Variants in CSF1R observed in about 807,000 individuals in gnomAD.
CSF1R encodes colony stimulating factor 1 receptor.
In CSF1R, 40 loss-of-function variants were observed where a neutral mutation model predicts 110.0. That is an observed-to-expected ratio of 0.36 (90% confidence interval 0.28 to 0.47). The LOEUF (loss-of-function observed/expected upper bound fraction) is 0.47, where lower values mean the gene tolerates loss of function less well. Ranked by LOEUF, CSF1R falls within the 20% of genes least tolerant of loss-of-function variation. The probability of loss-of-function intolerance (pLI) is 0.99; values close to 1 mark genes in which losing one functional copy is unlikely to be tolerated. For missense variants in CSF1R, 1,052 were observed against 1,253.0 expected, an observed-to-expected ratio of 0.84 and a Z score of 2.42; for synonymous variants, 523 against 503.4, an observed-to-expected ratio of 1.04 and a Z score of -0.52.
chr5:150,063,109 C>G (rs771179185), intron 10 of CSF1R, among the ~76,000 whole-genome samples: 2 of 152,174 alleles, frequency 1.3e-5, no homozygotes, highest in Admixed American at 6.5e-5. Flanking sequence ...CCTCGACCCC[C>G]GAGGTTCAAG....
intron 1 of CSF1R, among the ~76,000 whole-genome samples, chr5:150,103,629 C>T (rs1181674405): frequency 6.6e-6 from 1 of 152,190 alleles, no homozygotes; most frequent in Non-Finnish European, 1.5e-5. Context: ...CGCTGGGGAA[C>T]AGAAGATGGA....
intron 6 of CSF1R, among the ~76,000 whole-genome samples, chr5:150,072,130 G>A (rs1361177752): frequency 6.6e-6 from 1 of 152,182 alleles, no homozygotes; most frequent in Non-Finnish European, 1.5e-5. Context: ...ATGAGAGTGA[G>A]TGTGGCATGC....
chr5:150,084,821 C>T (rs547177267), intron 1 of CSF1R, among the ~76,000 whole-genome samples: 40 of 152,174 alleles, frequency 2.6e-4, no homozygotes, highest in African/African-American at 9.4e-4. Context: ...TCCGTTTTTG[C>T]CCCACAGGCA....
chr5:150,055,187 C>T (rs1344663646), intron 19 of CSF1R, 50 bp downstream of exon 19: 1 of 1,534,506 alleles, frequency 6.5e-7, no homozygotes, highest in Non-Finnish European at 9.0e-7. Context: ...CATCCCTTTC[C>T]AGCGAAAGCC....
chr5:150,072,424 G>A (rs112007873), intron 6 of CSF1R, among the ~76,000 whole-genome samples: 3 of 152,116 alleles, frequency 2.0e-5, no homozygotes, highest in African/African-American at 4.8e-5. Flanking sequence ...AACCCGGGAG[G>A]CCGAGTTTGC....
upstream of CSF1R, among the ~76,000 whole-genome samples, chr5:150,087,015 T>G (rs1758871796): frequency 6.6e-6 from 1 of 152,364 alleles, no homozygotes; most frequent in South Asian, 2.1e-4. Context: ...TTTCACTCTG[T>G]TGCCCAGGCT....
chr5:150,056,354 A>G lies in CSF1R; in HGVS notation c.2320-13T>C. 2 of 1,614,062 alleles carry G rather than the reference A, an allele frequency of 1.2e-6. No individual in the cohort carries two copies. The highest frequency in any genetic ancestry group is 8.5e-7 in the Non-Finnish European group (1 of 1,179,964). ...CCCGGTGGATGCACTGAGGGAAAGC[A>G]CTGCAGGGTTAGTCTTGGGCCTTCT... is the stretch of plus-strand genomic sequence containing the variant. On this transcript the variant is annotated splice_polypyrimidine_tract_variant and intron_variant, in intron 16 of 20. Transcript: ENST00000675795.
intron 5 of CSF1R, among the ~76,000 whole-genome samples, chr5:150,076,092 C>T (rs1488459454): frequency 1.3e-5 from 2 of 152,218 alleles, no homozygotes; most frequent in African/African-American, 2.4e-5. Flanking sequence ...ACTGCCACTG[C>T]CTGCACCCAA....
intron 1 of CSF1R, among the ~76,000 whole-genome samples, chr5:150,095,365 A>T (rs1309631800): frequency 6.6e-6 from 1 of 152,214 alleles, no homozygotes; most frequent in African/African-American, 2.4e-5. Flanking sequence ...TCACCAAGAT[A>T]TACCATATTC....
chr5:150,054,461 C>CAGCT, intron 19 of CSF1R, 31 bp from the exon 20 acceptor site: 1 of 1,582,852 alleles, frequency 6.3e-7, no homozygotes, highest in Non-Finnish European at 8.6e-7. Flanking sequence ...TGCCCATGGG[C>CAGCT]AGCTCCCTAG....
chr5:150,057,725 C>T (rs1222189758), intron 14 of CSF1R, 133 bp from the exon 15 acceptor site: 1 of 660,378 alleles, frequency 1.5e-6, no homozygotes. Flanking sequence ...CTGCCACACT[C>T]CATCTGAGTG....
At chr5:150,072,417 C>T (rs1263641057) in intron 6 of CSF1R, among the ~76,000 whole-genome samples, 1 of 152,026 alleles carries the variant, frequency 6.6e-6, no homozygotes, top group East Asian at 1.9e-4. Context: ...TCACTTGAAC[C>T]CGGGAGGCCG....
intron 6 of CSF1R, among the ~76,000 whole-genome samples, chr5:150,071,903 C>T (rs1251122732): frequency 6.6e-6 from 1 of 152,206 alleles, no homozygotes; most frequent in Non-Finnish European, 1.5e-5. Context: ...TTGCTTCTGA[C>T]AATTGACAAG....
chr5:150,077,729 C>T (rs1758333703), intron 4 of CSF1R, among the ~76,000 whole-genome samples: 1 of 152,170 alleles, frequency 6.6e-6, no homozygotes, highest in South Asian at 2.1e-4. Flanking sequence ...CCCTCCTCCT[C>T]CCTCTCTCCC....
At chr5:150,083,349 A>ACAC (rs1758641931) in intron 1 of CSF1R, among the ~76,000 whole-genome samples, 1 of 106,326 alleles carries the variant, frequency 9.4e-6, no homozygotes, top group African/African-American at 3.7e-5. Flanking sequence ...CTTCTCTCCC[A>ACAC]ACACACACAC....
chr5:150,094,286 T>C, intron 1 of CSF1R: 1 of 1,537,222 alleles, frequency 6.5e-7, no homozygotes, highest in South Asian at 1.2e-5. Flanking sequence ...TTCAGTTTTT[T>C]TTTCCGGCTG....
At chr5:150,107,326 G>T (rs569116965) in intron 1 of CSF1R, among the ~76,000 whole-genome samples, 224 of 152,332 alleles carry the variant, frequency 1.5e-3, no homozygotes, top group African/African-American at 4.9e-3. Context: ...ACATTAACAT[G>T]ATTTGTCATC....
At chr5:150,080,730 G>C in intron 2 of CSF1R, 37 bp downstream of exon 2, 1 of 1,611,020 alleles carries the variant, frequency 6.2e-7, no homozygotes. Flanking sequence ...GGGGCCTGCC[G>C]GGTCAGGCCT....
At chr5:150,077,926 C>G (rs933028552) in intron 4 of CSF1R, among the ~76,000 whole-genome samples, 186 bp downstream of exon 4, 15 of 148,080 alleles carry the variant, frequency 1.0e-4, no homozygotes, top group Non-Finnish European at 7.4e-5. Context: ...AAGCATGAGT[C>G]CTGATTCTGT....
Sources: gnomAD v4.1 joint callset for allele counts (sites outside exome capture counted in the v4.1 genomes callset) on GRCh38, gnomAD v4.1.1 for gene constraint, MANE v1.5 for transcripts, NCBI Gene and HGNC (gene_info 2026-07-23, HGNC 2026-07-21) for gene names.